Variants in GPHN observed in about 807,000 individuals in gnomAD.
GPHN encodes gephyrin.
In GPHN, 17 loss-of-function variants were observed where a neutral mutation model predicts 95.5. That is an observed-to-expected ratio of 0.18 (90% CI 0.12 to 0.27). The LOEUF (loss-of-function observed/expected upper bound fraction) is 0.27. Among genes scored for constraint, GPHN ranks in the 10% least tolerant of loss-of-function variants. GPHN has a pLI of 1.00. For missense variants in GPHN, 660 were observed against 978.1 expected (o/e 0.67, Z 4.34); for synonymous variants, 320 against 322.5 (o/e 0.99, Z 0.08).
At chr14:67,333,816 TAAA>T in the GPHN span, 12 of 149,910 alleles carry the variant, frequency 8.0e-5, no homozygotes, top group African/African-American at 2.5e-4. Context: ...TGTATTGACT[TAAA>T]AAGTTTCTTC....
intron 2 of GPHN, among the ~76,000 whole-genome samples, chr14:66,728,617 G>A (rs1247606797): frequency 6.6e-6 from 1 of 152,222 alleles, no homozygotes; most frequent in Non-Finnish European, 1.5e-5. Context: ...TTTCAGACTT[G>A]CGTGGGGGCT....
At chr14:67,357,731 TAA>T in the GPHN span, among the ~76,000 whole-genome samples, 1 of 152,126 alleles carries the variant, frequency 6.6e-6, no homozygotes, top group African/African-American at 2.4e-5. Context: ...CTGGCCATTT[TAA>T]AAAAGAGAGT....
chr14:66,980,488 G>A (rs1405607626), intron 9 of GPHN, among the ~76,000 whole-genome samples: 5 of 152,018 alleles, frequency 3.3e-5, no homozygotes, highest in Admixed American at 6.6e-5. Context: ...TTTTATTAAA[G>A]ATGGGTTTTA....
the GPHN span, chr14:67,571,708 GTTTTGC>G: frequency 1.3e-6 from 2 of 1,597,314 alleles, no homozygotes; most frequent in Non-Finnish European, 1.7e-6. Context: ...GGAGAGGACT[GTTTTGC>G]AGCCTGAGCT....
At chr14:66,632,010 T>A (rs1296384239) in intron 1 of GPHN, among the ~76,000 whole-genome samples, 2 of 152,206 alleles carry the variant, frequency 1.3e-5, no homozygotes, top group African/African-American at 4.8e-5. Flanking sequence ...AATTTCCTAT[T>A]CGTATCATTG....
At chr14:67,402,814 C>T in the GPHN span, among the ~76,000 whole-genome samples, 7 of 152,130 alleles carry the variant, frequency 4.6e-5, no homozygotes, top group Admixed American at 6.6e-5. Context: ...ACAGTTTCTT[C>T]ATTCATGTGT....
chr14:67,341,659 C>T, the GPHN span, among the ~76,000 whole-genome samples: 4 of 152,172 alleles, frequency 2.6e-5, no homozygotes, highest in Non-Finnish European at 4.4e-5. Context: ...CCCCTCTGCC[C>T]GGCCACCACC....
At chr14:67,396,589 A>C in the GPHN span, among the ~76,000 whole-genome samples, 3 of 152,320 alleles carry the variant, frequency 2.0e-5, no homozygotes, top group South Asian at 6.2e-4. Context: ...TTCTCCCCAG[A>C]AGCCACACCC....
intron 16 of GPHN, among the ~76,000 whole-genome samples, chr14:67,120,485 G>T (rs905717473): frequency 1.3e-5 from 2 of 151,920 alleles, no homozygotes; most frequent in South Asian, 2.1e-4. Flanking sequence ...ACAAATAATG[G>T]GTTCTCCAGT....
At chr14:66,740,486 A>C (rs1315629310) in intron 2 of GPHN, among the ~76,000 whole-genome samples, 3 of 151,960 alleles carry the variant, frequency 2.0e-5, no homozygotes, top group Non-Finnish European at 4.4e-5. Context: ...AGGTACTTTA[A>C]AATTTTCTTT....
At chr14:67,478,455 A>C in the GPHN span, among the ~76,000 whole-genome samples, 3 of 152,218 alleles carry the variant, frequency 2.0e-5, no homozygotes, top group Non-Finnish European at 2.9e-5. Context: ...ATGACTCCAA[A>C]GGTCTCCCAG....
chr14:67,137,141 G>T (rs1324351606), intron 17 of GPHN, among the ~76,000 whole-genome samples: 1 of 150,936 alleles, frequency 6.6e-6, no homozygotes, highest in Non-Finnish European at 1.5e-5. Flanking sequence ...GGGTGACAGA[G>T]CAAGAATCTG....
chr14:67,731,495 G>T, the GPHN span, among the ~76,000 whole-genome samples: 1 of 151,844 alleles, frequency 6.6e-6, no homozygotes, highest in Non-Finnish European at 1.5e-5. Flanking sequence ...GATTGCAGGC[G>T]TGAGCCACTG....
At chr14:66,855,869 A>T (rs2153518351) in intron 4 of GPHN, among the ~76,000 whole-genome samples, 1 of 152,250 alleles carries the variant, frequency 6.6e-6, no homozygotes, top group Admixed American at 6.5e-5. Context: ...CTATTTAAAG[A>T]TATTACTGGA....
chr14:67,004,752 A>G (rs1467398705), intron 9 of GPHN, among the ~76,000 whole-genome samples: 2 of 151,822 alleles, frequency 1.3e-5, no homozygotes, highest in Admixed American at 6.6e-5. Flanking sequence ...ACCTTATTAC[A>G]TAACTTTAAA....
chr14:67,444,673 C>T, the GPHN span, among the ~76,000 whole-genome samples: 1 of 152,186 alleles, frequency 6.6e-6, no homozygotes, highest in South Asian at 2.1e-4. Flanking sequence ...ACCAGAAAGA[C>T]CAAATACGTG....
At chr14:67,511,624 G>T in the GPHN span, among the ~76,000 whole-genome samples, 2 of 152,236 alleles carry the variant, frequency 1.3e-5, no homozygotes, top group Admixed American at 1.3e-4. Context: ...TGCCAGACTG[G>T]ATTGTGATCC....
At chr14:67,015,944 G>A (rs185448497) in intron 9 of GPHN, among the ~76,000 whole-genome samples, 50 of 152,184 alleles carry the variant, frequency 3.3e-4, no homozygotes, top group African/African-American at 1.2e-3. Context: ...TAACCCTGAG[G>A]ATTTAATAAC....
chr14:66,606,382 T>G (rs1237910407), intron 1 of GPHN, among the ~76,000 whole-genome samples: 1 of 152,180 alleles, frequency 6.6e-6, no homozygotes, highest in Non-Finnish European at 1.5e-5. Flanking sequence ...CCGTGCTATT[T>G]TGGTTACTAT....
Sources: allele counts gnomAD v4.1 joint callset (sites outside exome capture counted in the v4.1 genomes callset), GRCh38; gene constraint gnomAD v4.1.1; transcripts MANE v1.5; gene names NCBI Gene and HGNC (gene_info 2026-07-23, HGNC 2026-07-21).